Variants in DRICH1 observed in about 807,000 individuals in gnomAD.
DRICH1 encodes aspartate rich 1, also known as aspartate-rich protein 1.
A neutral mutation model predicts 39.5 loss-of-function variants in DRICH1; 38 were observed. The observed-to-expected ratio is 0.96, with a 90% CI of 0.74 to 1.26. DRICH1 has a LOEUF of 1.26. Ranked by LOEUF, DRICH1 falls within the 50% of genes most tolerant of loss-of-function variation. The pLI is 0.00. For missense variants in DRICH1, 279 were observed against 270.4 expected (o/e 1.03, Z -0.22); for synonymous variants, 84 against 99.5 (o/e 0.84, Z 0.93).
chr22:23,628,209 C>T (rs1289525782), intron 1 of DRICH1, among the ~76,000 whole-genome samples: 1 of 152,210 alleles, frequency 6.6e-6, no homozygotes, highest in Non-Finnish European at 1.5e-5. Context: ...TGTCCCTCCC[C>T]ACCTCCCCTG....
chr22:23,628,583 A>G (rs1928210876), intron 1 of DRICH1, among the ~76,000 whole-genome samples: 1 of 152,134 alleles, frequency 6.6e-6, no homozygotes, highest in Non-Finnish European at 1.5e-5. Flanking sequence ...AAACAGACAA[A>G]CAAAAACACA....
At chr22:23,620,198 A>AC (rs746704448) in intron 5 of DRICH1, among the ~76,000 whole-genome samples, 36 of 151,956 alleles carry the variant, frequency 2.4e-4, no homozygotes, top group Admixed American at 4.6e-4. Flanking sequence ...ACCCTCCCTC[A>AC]CCTCCCAAGC....
Position 23,632,149 on chromosome 22 carries a change from T to C in DRICH1, c.-126A>G. The C allele has an allele frequency of 1.4e-6, 2 of 1,475,728 alleles. No individual in the cohort carries two copies. Among genetic ancestry groups the C allele is most frequent in the Non-Finnish European group, 1.8e-6 (2 of 1,101,330 alleles). The allele number at this position is 1,475,728 out of a possible 1,614,324, so 91.4% of individuals were successfully genotyped here. On this transcript the variant is annotated 5_prime_UTR_variant, in exon 1 of 12. Transcript: ENST00000317749. ...GAAGCAGCCTGACCCCAGGCAGATC[T>C]GGGTCCTCAGCCCTTATTCTGCCGC...
At chr22:23,626,571 G>C (rs535440094) in intron 1 of DRICH1, among the ~76,000 whole-genome samples, 4 of 152,288 alleles carry the variant, frequency 2.6e-5, no homozygotes, top group African/African-American at 7.2e-5. Context: ...TCATTCTCTA[G>C]CTGCAGATCT....
chr22:23,582,140 A>G, the DRICH1 span, among the ~76,000 whole-genome samples: 58,093 of 151,106 alleles, frequency 0.38, 13,802 homozygotes, highest in East Asian at 0.78. Context: ...CCACCATGCC[A>G]GCTAATTTTT....
the DRICH1 span, among the ~76,000 whole-genome samples, chr22:23,586,512 T>C: frequency 1.3e-5 from 2 of 152,078 alleles, no homozygotes; most frequent in Admixed American, 1.3e-4. Context: ...AAAACACCAT[T>C]ACCTCCCTCA....
At chr22:23,626,771 G>A (rs1928086762) in intron 1 of DRICH1, among the ~76,000 whole-genome samples, 2 of 152,188 alleles carry the variant, frequency 1.3e-5, no homozygotes, top group Non-Finnish European at 1.5e-5. Flanking sequence ...TGTGGAGTCA[G>A]AGGTCTCTAA....
chr22:23,615,814 T>C (rs560723140), intron 8 of DRICH1, among the ~76,000 whole-genome samples: 32 of 152,290 alleles, frequency 2.1e-4, no homozygotes, highest in South Asian at 1.2e-3. Flanking sequence ...CACTCATAAG[T>C]TTCACAGATA....
chr22:23,625,018 G>C (rs758830219), intron 2 of DRICH1, 114 bp from the exon 3 acceptor site: 2 of 1,204,322 alleles, frequency 1.7e-6, no homozygotes, highest in Non-Finnish European at 2.4e-6. Flanking sequence ...AACAGTGGTT[G>C]AGTCCATGTC....
chr22:23,605,539 G>A (rs1364521417), downstream of DRICH1, among the ~76,000 whole-genome samples: 1 of 152,064 alleles, frequency 6.6e-6, no homozygotes, highest in African/African-American at 2.4e-5. Flanking sequence ...GGAGGAGGGG[G>A]AGAGGAAGGG....
chr22:23,605,840 G>C (rs1457085732), downstream of DRICH1, among the ~76,000 whole-genome samples: 1 of 152,106 alleles, frequency 6.6e-6, no homozygotes, highest in African/African-American at 2.4e-5. Context: ...CAGCACTTTG[G>C]GAGGCCGGGG....
the DRICH1 span, among the ~76,000 whole-genome samples, chr22:23,594,924 G>A: frequency 6.7e-6 from 1 of 150,370 alleles, no homozygotes; most frequent in African/African-American, 2.5e-5. Context: ...GCAGAGTCTG[G>A]GGCATTTGTG....
At chr22:23,609,571 T>C (rs1405537244) in intron 11 of DRICH1, among the ~76,000 whole-genome samples, 1 of 152,048 alleles carries the variant, frequency 6.6e-6, no homozygotes, top group East Asian at 1.9e-4. Flanking sequence ...GTACACCTGT[T>C]TGTGCAGGTG....
chr22:23,621,432 T>A (rs1173478829), intron 4 of DRICH1, among the ~76,000 whole-genome samples: 4 of 150,640 alleles, frequency 2.7e-5, no homozygotes, highest in Non-Finnish European at 3.0e-5. Flanking sequence ...AAAAAAAAAA[T>A]ACCTAAAGCC....
the DRICH1 span, among the ~76,000 whole-genome samples, chr22:23,584,399 ACT>A: frequency 1.3e-5 from 2 of 151,572 alleles, no homozygotes; most frequent in Admixed American, 6.6e-5. Flanking sequence ...TCCCCTGCCC[ACT>A]CTCTATGCCC....
the DRICH1 span, chr22:23,583,688 G>A: frequency 1.3e-5 from 2 of 152,306 alleles, no homozygotes; most frequent in Non-Finnish European, 2.9e-5. Flanking sequence ...ATGGGATGTG[G>A]ACACCCTAAG....
downstream of DRICH1, among the ~76,000 whole-genome samples, chr22:23,604,220 GGCACCTGTCTAGCCT>G (rs1169221668): frequency 2.0e-5 from 3 of 152,108 alleles, no homozygotes; most frequent in African/African-American, 7.2e-5. Flanking sequence ...GTCTGGGCCT[GGCACCTGTCTAGCCT>G]GCTCTCAGAC....
Position 23,619,349 on chromosome 22 carries a change from G to A in DRICH1, c.436+15C>T. ...GACTAACACACAATACTACACACAT[G>A]ATCTACAGACTCACAAGAACTGCTA... On this transcript the variant is annotated intron_variant, in intron 6 of 11. Transcript: ENST00000317749. 1 of 780,642 alleles carries A rather than the reference G, an allele frequency of 1.3e-6. No individual in the cohort carries two copies. Among genetic ancestry groups the A allele is most frequent in the East Asian group, 2.4e-5 (1 of 41,228 alleles). 48.4% of individuals were successfully genotyped at this position (780,642 alleles called of 1,614,324 possible).
At chr22:23,622,537 C>T (rs957418586) in intron 3 of DRICH1, among the ~76,000 whole-genome samples, 1 of 152,118 alleles carries the variant, frequency 6.6e-6, no homozygotes. Context: ...TGTCAGTACA[C>T]TAGGATCCAA....
Sources: gnomAD v4.1 joint callset for allele counts (sites outside exome capture counted in the v4.1 genomes callset) on GRCh38, gnomAD v4.1.1 for gene constraint, MANE v1.5 for transcripts, NCBI Gene and HGNC (gene_info 2026-07-23, HGNC 2026-07-21) for gene names.